Variants in RSF1 observed in about 807,000 individuals in gnomAD.
The protein encoded by RSF1 is HBV pX-associated protein 8.
Under a neutral mutation model 145.2 loss-of-function variants are expected in RSF1, and 13 were observed. That is an observed-to-expected ratio of 0.09 (90% confidence interval 0.06 to 0.14). The LOEUF is 0.14. Among genes scored for constraint, RSF1 ranks in the 10% least tolerant of loss-of-function variants. The pLI, the probability that RSF1 is intolerant of heterozygous loss-of-function variation, is 1.00. For synonymous variants in RSF1, 577 were observed against 592.6 expected (o/e 0.97, Z 0.38); for missense variants, 1,517 against 1,718.2 (o/e 0.88, Z 2.07).
the RSF1 span, chr11:77,855,452 TG>T: frequency 5.5e-6 from 1 of 182,226 alleles, no homozygotes; most frequent in Non-Finnish European, 1.2e-5. Context: ...CCCAAGTAGC[TG>T]GGACTACAGG....
chr11:77,819,938 C>T (rs1379626622), intron 1 of RSF1, among the ~76,000 whole-genome samples: 1 of 151,960 alleles, frequency 6.6e-6, no homozygotes, highest in African/African-American at 2.4e-5. Flanking sequence ...TTAAAGCAGC[C>T]CTCGAGGGGA....
chr11:77,750,157 C>T (rs918007125), intron 2 of RSF1, among the ~76,000 whole-genome samples: 2 of 150,478 alleles, frequency 1.3e-5, no homozygotes, highest in Non-Finnish European at 3.0e-5. Flanking sequence ...CTACTGTTAC[C>T]ACAAAATGAA....
the RSF1 span, among the ~76,000 whole-genome samples, chr11:77,836,635 A>G: frequency 1.3e-5 from 2 of 152,204 alleles, no homozygotes; most frequent in African/African-American, 4.8e-5. Context: ...GTCTCTCCTT[A>G]TATCACTTTT....
chr11:77,667,615 T>G, intron 15 of RSF1, 124 bp from the exon 16 acceptor site: 1 of 801,770 alleles, frequency 1.2e-6, no homozygotes. Flanking sequence ...AATGTTTCCT[T>G]TCAATAATTG....
In RSF1 at chr11:77,804,354, G is replaced by C. The variant is rs113724660; in HGVS notation, c.187+16174C>G. On this transcript the variant is annotated intron_variant, in intron 1 of 15. Transcript: ENST00000308488. ...GTTATGGGAAATCCTCAGATTTGTA[G>C]CCTGTCGGGTAGAAGGGCAGGTAGC... Among the ~76,000 whole-genome samples the C allele has an allele frequency of 9.8e-3, 1,490 of 152,288 alleles. 20 individuals are homozygous for C. Among genetic ancestry groups the C allele is most frequent in the Non-Finnish European group, 0.011 (742 of 68,022 alleles).
Position 77,686,693 on chromosome 11 carries a change from CATTCAG to C in RSF1, c.2901-1540_2901-1535del, listed in dbSNP as rs564195661. Among the ~76,000 whole-genome samples, 780 of 152,124 alleles carry C rather than the reference CATTCAG, an allele frequency of 5.1e-3. 6 individuals carry two copies. Among genetic ancestry groups the C allele is most frequent in the African/African-American group, 0.016 (660 of 41,526 alleles). ...TATTAAAACTGGTATGTTTAAAAAT[CATTCAG>C]TGGACTTCTAAAACATCAGATTTCA... On this transcript the variant is annotated intron_variant, in intron 9 of 15. Coordinates refer to ENST00000308488, the MANE Select transcript of RSF1 (RefSeq NM_016578.4).
rs1239896944 is a variant in RSF1, at chr11:77,692,459, T to C, written c.2820+1048A>G. 2.3e-5 allele frequency among the ~76,000 whole-genome samples: 3 copies of C among 128,782 alleles called. 1 individual carries two copies. The highest frequency in any genetic ancestry group is 4.7e-5 in the Non-Finnish European group (3 of 63,422). The allele number at this position is 128,782 out of a possible 152,430, so 84.5% of individuals were successfully genotyped here. A position where few individuals can be genotyped will look rare whatever the true frequency, so the allele number is the denominator to read the frequency against. On this transcript the variant is annotated intron_variant, in intron 8 of 15. Coordinates refer to ENST00000308488, the MANE Select transcript of RSF1 (RefSeq NM_016578.4). ...CGGGGTTTCACCGTTTTAGCCAGGA[T>C]GGTCTCGATCTCCTGACCTCGTGAT... is the stretch of plus-strand genomic sequence containing the variant.
chr11:77,717,697 T>C (rs1960848742), intron 5 of RSF1: 1 of 152,224 alleles, frequency 6.6e-6, no homozygotes, highest in Non-Finnish European at 1.5e-5. Flanking sequence ...AAGTTTACCA[T>C]GACAATGCCA....
chr11:77,683,199 G>A (rs1396658640), intron 11 of RSF1, among the ~76,000 whole-genome samples: 9 of 152,196 alleles, frequency 5.9e-5, no homozygotes, highest in African/African-American at 1.7e-4. Context: ...GCTGAGGCAC[G>A]AGAATCGCTT....
chr11:77,762,705 C>T (rs1399999551), intron 2 of RSF1: 1 of 152,150 alleles, frequency 6.6e-6, no homozygotes, highest in Non-Finnish European at 1.5e-5. Flanking sequence ...AGCAGGAAGG[C>T]TTAGGTTGGT....
At chr11:77,685,506 G>C (rs1565147902) in intron 9 of RSF1, among the ~76,000 whole-genome samples, 1 of 152,154 alleles carries the variant, frequency 6.6e-6, no homozygotes, top group Non-Finnish European at 1.5e-5. Context: ...ATGTTGGCCA[G>C]GCTGGTCTCA....
chr11:77,833,362 C>T, the RSF1 span, among the ~76,000 whole-genome samples: 1 of 152,080 alleles, frequency 6.6e-6, no homozygotes, highest in African/African-American at 2.4e-5. Flanking sequence ...GAGACAGTGA[C>T]AGATCATCAG....
intron 2 of RSF1, among the ~76,000 whole-genome samples, chr11:77,752,421 C>T (rs1049339884): frequency 2.0e-5 from 3 of 152,200 alleles, no homozygotes; most frequent in Non-Finnish European, 4.4e-5. Flanking sequence ...CAGAAATTCG[C>T]TCCTATGCGA....
At chr11:77,791,230 G>A (rs889862273) in intron 1 of RSF1, among the ~76,000 whole-genome samples, 4 of 152,190 alleles carry the variant, frequency 2.6e-5, no homozygotes. Flanking sequence ...AACACCAAAT[G>A]GAAGTTGCCA....
Position 77,662,980 on chromosome 11 carries a change from TTTTA to T in RSF1, c.*3933_*3936del, listed in dbSNP as rs542849708. The T allele has an allele frequency of 7.6e-4, 116 of 152,190 alleles. No homozygotes were observed. Among genetic ancestry groups the T allele is most frequent in the African/African-American group, 2.5e-3 (103 of 41,538 alleles). The allele number at this position is 152,190 out of a possible 1,614,324, so 9.4% of individuals were successfully genotyped here. On this transcript the variant is annotated 3_prime_UTR_variant, in exon 16 of 16. Coordinates refer to ENST00000308488, the MANE Select transcript of RSF1 (RefSeq NM_016578.4). Reference sequence around the variant, plus strand: ...TCTTTCAAGTTAATGATGGATTCATTTTTATTTTTTCTGATACTTATCTGAAGTG... The same window carrying T: ...TCTTTCAAGTTAATGATGGATTCATTTTTTTTCTGATACTTATCTGAAGTG...
At chr11:77,833,307 G>C in the RSF1 span, among the ~76,000 whole-genome samples, 25 of 152,118 alleles carry the variant, frequency 1.6e-4, no homozygotes, top group South Asian at 3.9e-3. Context: ...TGGGAGCCCT[G>C]AGCTTGTTTT....
At chr11:77,782,741 T>C (rs950167004) in intron 1 of RSF1, among the ~76,000 whole-genome samples, 6 of 152,216 alleles carry the variant, frequency 3.9e-5, no homozygotes, top group African/African-American at 9.6e-5. Flanking sequence ...TAACGTTTTA[T>C]TGGAACACAA....
the RSF1 span, among the ~76,000 whole-genome samples, chr11:77,850,025 T>C: frequency 2.6e-5 from 4 of 152,352 alleles, no homozygotes; most frequent in South Asian, 4.1e-4. Flanking sequence ...GAACTATGCA[T>C]TTAACACAGT....
intron 10 of RSF1, 97 bp from the exon 11 acceptor site, chr11:77,683,916 G>A (rs1446915439): frequency 2.8e-5 from 24 of 854,108 alleles, no homozygotes; most frequent in Non-Finnish European, 4.3e-5. Context: ...GGTAGCACAT[G>A]TGAAAGGTCT....
Sources: gnomAD v4.1 joint callset for allele counts (sites outside exome capture counted in the v4.1 genomes callset) on GRCh38, gnomAD v4.1.1 for gene constraint, MANE v1.5 for transcripts, NCBI Gene and HGNC (gene_info 2026-07-23, HGNC 2026-07-21) for gene names.